The following NWD2 variants were observed in gnomAD, a reference collection of about 807,000 sequenced individuals.
NWD2 encodes the protein NACHT and WD repeat domain-containing protein 2.
In NWD2, 37 loss-of-function variants were observed where a neutral mutation model predicts 132.7. That is an observed-to-expected ratio of 0.28 (90% CI 0.21 to 0.37). The LOEUF is 0.37. Among genes scored for constraint, NWD2 ranks in the 10% least tolerant of loss-of-function variants. The pLI, the probability that NWD2 is intolerant of heterozygous loss-of-function variation, is 1.00. For missense variants in NWD2, 1,592 were observed against 2,122.4 expected, an observed-to-expected ratio of 0.75 and a Z score of 4.91; for synonymous variants, 705 against 803.0, an observed-to-expected ratio of 0.88 and a Z score of 2.06.
At chr4:37,255,747 G>A (rs946696964) in intron 1 of NWD2, among the ~76,000 whole-genome samples, 1 of 152,120 alleles carries the variant, frequency 6.6e-6, no homozygotes, top group South Asian at 2.1e-4. Flanking sequence ...CTGCTCTTGG[G>A]ATTAGAACCC....
rs545451200 is a variant in NWD2 at position 37,356,253 on chromosome 4, C to T, written c.241-113C>T. On this transcript the variant is annotated intron_variant, in intron 2 of 6. Transcript: ENST00000309447. ...ATGGATCTTAAAAATCACTTCCCCTCTGTAAGAGAAAACATGCTGCAAAGA... is the reference window on the plus strand; with the variant it reads ...ATGGATCTTAAAAATCACTTCCCCTTTGTAAGAGAAAACATGCTGCAAAGA... The T allele has an allele frequency of 5.6e-6, 3 of 537,718 alleles. No homozygotes were observed. In the Middle Eastern group the frequency reaches 1.1e-3, roughly 196 times the overall value. 33.3% of individuals were successfully genotyped at this position (537,718 alleles called of 1,614,324 possible). A position where few individuals can be genotyped will look rare whatever the true frequency, so the allele number is the denominator to read the frequency against.
Position 37,348,675 on chromosome 4 carries a change from T to TATACATACAC in NWD2, c.241-7690_241-7689insTACATACACA, listed in dbSNP as rs1308407988. ...ATATATATATATATATATATATATATACACACACACACACACACACACACA... is the reference window on the plus strand; with the variant it reads ...ATATATATATATATATATATATATATATACATACACACACACACACACACACACACACACA... On this transcript the variant is annotated intron_variant, in intron 2 of 6. Transcript: ENST00000309447. Among the ~76,000 whole-genome samples the TATACATACAC allele has an allele frequency of 1.0e-3, 23 of 22,576 alleles. 1 individual carries two copies. The highest frequency in any genetic ancestry group is 1.1e-3 in the Non-Finnish European group (15 of 13,096). 14.8% of individuals were successfully genotyped at this position (22,576 alleles called of 152,430 possible).
chr4:37,325,251 A>C (rs1719145726), intron 1 of NWD2, among the ~76,000 whole-genome samples: 1 of 152,156 alleles, frequency 6.6e-6, no homozygotes, highest in Non-Finnish European at 1.5e-5. Flanking sequence ...TAATGACAGG[A>C]GATAATAAAA....
chr4:37,318,602 C>A (rs752391257), intron 1 of NWD2, among the ~76,000 whole-genome samples: 1 of 152,092 alleles, frequency 6.6e-6, no homozygotes, highest in Non-Finnish European at 1.5e-5. Flanking sequence ...CTACCTCCCC[C>A]ACAGAAGTCC....
chr4:37,288,318 G>T (rs1718279986), intron 1 of NWD2, among the ~76,000 whole-genome samples: 1 of 152,190 alleles, frequency 6.6e-6, no homozygotes, highest in Non-Finnish European at 1.5e-5. Flanking sequence ...GTATTTTCTA[G>T]TGCGAAATAT....
In NWD2 at chr4:37,314,080, T is replaced by C. The variant is rs181937742; in HGVS notation, c.152-11856T>C. 2.3e-4 allele frequency among the ~76,000 whole-genome samples: 35 copies of C among 152,344 alleles called. No homozygotes were observed. The East Asian group carries it at 6.7e-3, about 29-fold the overall frequency. On this transcript the variant is annotated intron_variant, in intron 1 of 6. Coordinates refer to ENST00000309447, the MANE Select transcript of NWD2 (RefSeq NM_001144990.2). ...ATTGAGCAGTCATGTGGTTATGTTC[T>C]TTATTAATATGGTATATTCTATTAA...
At chr4:37,420,321 C>T (rs145581584) in intron 3 of NWD2, among the ~76,000 whole-genome samples, 1 of 152,308 alleles carries the variant, frequency 6.6e-6, no homozygotes, top group African/African-American at 2.4e-5. Flanking sequence ...ATCCTCAACT[C>T]CACCCTCTTT....
chr4:37,311,404 A>G (rs1341897577), intron 1 of NWD2, among the ~76,000 whole-genome samples: 1 of 151,046 alleles, frequency 6.6e-6, no homozygotes, highest in Non-Finnish European at 1.5e-5. Context: ...GCATTTTTTC[A>G]TGTGTCTGTT....
At position 37,335,310 on chromosome 4, in the gene NWD2, G is replaced by A. The variant is rs955558121; in HGVS notation, c.240+9286G>A. 5.2e-4 allele frequency among the ~76,000 whole-genome samples: 65 copies of A among 125,800 alleles called. 2 individuals carry two copies. In the East Asian group the frequency reaches 0.016, roughly 32 times the overall value. 82.5% of individuals were successfully genotyped at this position (125,800 alleles called of 152,430 possible). A position where few individuals can be genotyped will look rare whatever the true frequency, so the allele number is the denominator to read the frequency against. The stretch of plus-strand genomic sequence containing the variant: ...TGACTGGGGGGTGGGCGGGGGGGGG[G>A]GGCTTAAATTGCCTCCCAGGCAAAT... On this transcript the variant is annotated intron_variant, in intron 2 of 6. Coordinates refer to ENST00000309447, the MANE Select transcript of NWD2 (RefSeq NM_001144990.2).
At chr4:37,345,417 T>C (rs1223471122) in intron 2 of NWD2, among the ~76,000 whole-genome samples, 1 of 152,228 alleles carries the variant, frequency 6.6e-6, no homozygotes, top group East Asian at 1.9e-4. Flanking sequence ...AGCCACCTTG[T>C]GAAGTGTTAT....
At chr4:37,258,607 G>GA (rs2109258163) in intron 1 of NWD2, among the ~76,000 whole-genome samples, 1 of 152,320 alleles carries the variant, frequency 6.6e-6, no homozygotes, top group South Asian at 2.1e-4. Flanking sequence ...TTTGGAATTT[G>GA]AAAAGGTCTA....
At chr4:37,433,831 C>A (rs1446922500) in intron 4 of NWD2, 45 bp from the exon 5 acceptor site, 2 of 1,431,938 alleles carry the variant, frequency 1.4e-6, no homozygotes, top group Admixed American at 5.0e-5. Flanking sequence ...TATTATTTTT[C>A]TTTGATGATT....
rs1351304 is a variant in NWD2 at position 37,384,172 on chromosome 4, C to T, written c.357+27690C>T. On this transcript the variant is annotated intron_variant, in intron 3 of 6. Coordinates refer to ENST00000309447, the MANE Select transcript of NWD2 (RefSeq NM_001144990.2). Reference sequence around the variant, plus strand: ...TTAGGCACATCTTCTGGCTTTTAAACAGTTTATGTCTATCTAGCCTGTCTT... The same window carrying T: ...TTAGGCACATCTTCTGGCTTTTAAATAGTTTATGTCTATCTAGCCTGTCTT... 6.1e-4 allele frequency among the ~76,000 whole-genome samples: 93 copies of T among 152,030 alleles called. No individual in the cohort carries two copies. The South Asian group carries it at 0.019, about 30-fold the overall frequency.
At chr4:37,437,319 A>G (rs1187886605) in intron 5 of NWD2, among the ~76,000 whole-genome samples, 1 of 152,102 alleles carries the variant, frequency 6.6e-6, no homozygotes, top group Non-Finnish European at 1.5e-5. Context: ...CTGTGTCCTC[A>G]CAGGGCAGGA....
At chr4:37,310,484 T>A (rs1396513358) in intron 1 of NWD2, among the ~76,000 whole-genome samples, 1 of 152,106 alleles carries the variant, frequency 6.6e-6, no homozygotes, top group Admixed American at 6.6e-5. Flanking sequence ...TTGGATAAAT[T>A]GATAGAAAAA....
intron 3 of NWD2, among the ~76,000 whole-genome samples, chr4:37,381,624 A>G (rs1424948172): frequency 1.3e-5 from 2 of 152,208 alleles, no homozygotes; most frequent in Non-Finnish European, 2.9e-5. Context: ...ATACACAATT[A>G]TGAAATTAAT....
chr4:37,318,353 G>A (rs1031873641), intron 1 of NWD2, among the ~76,000 whole-genome samples: 3 of 152,088 alleles, frequency 2.0e-5, no homozygotes, highest in South Asian at 4.2e-4. Flanking sequence ...AAGATGTAAG[G>A]ATGTATGAGA....
At chr4:37,293,562 A>C (rs543706602) in intron 1 of NWD2, among the ~76,000 whole-genome samples, 2 of 152,204 alleles carry the variant, frequency 1.3e-5, no homozygotes, top group East Asian at 3.9e-4. Flanking sequence ...TTGATATTTT[A>C]TATGTTGCCA....
At chr4:37,296,262 G>A (rs1450671142) in intron 1 of NWD2, among the ~76,000 whole-genome samples, 1 of 152,138 alleles carries the variant, frequency 6.6e-6, no homozygotes, top group African/African-American at 2.4e-5. Flanking sequence ...GCTGCATTCA[G>A]GCATGAGTTA....
Sources: allele counts gnomAD v4.1 joint callset (sites outside exome capture counted in the v4.1 genomes callset), GRCh38; gene constraint gnomAD v4.1.1; transcripts MANE v1.5; gene names NCBI Gene and HGNC (gene_info 2026-07-23, HGNC 2026-07-21).